Variants in EPB41 observed in about 807,000 individuals in gnomAD.
EPB41 encodes the protein protein 4.1.
EPB41 carries 65 observed loss-of-function variants against 108.0 expected under a neutral mutation model. The observed-to-expected ratio is 0.60, with a 90% CI of 0.49 to 0.74. EPB41 has a LOEUF of 0.74. EPB41 is among the 30% of genes least tolerant of loss of function. The probability of loss-of-function intolerance (pLI) is 0.00; values close to 1 mark genes in which losing one functional copy is unlikely to be tolerated. For synonymous variants in EPB41, 336 were observed against 358.9 expected (o/e 0.94, Z 0.72); for missense variants, 875 against 1,037.0 (o/e 0.84, Z 2.15).
intron 1 of EPB41, among the ~76,000 whole-genome samples, chr1:28,958,286 C>A (rs945009940): frequency 1.3e-5 from 2 of 151,840 alleles, no homozygotes; most frequent in African/African-American, 4.8e-5. Flanking sequence ...CTGTTTGTAT[C>A]AAAAATACAA....
At chr1:28,963,868 G>A (rs1402251134) in intron 1 of EPB41, among the ~76,000 whole-genome samples, 2 of 152,126 alleles carry the variant, frequency 1.3e-5, no homozygotes, top group African/African-American at 2.4e-5. Flanking sequence ...CCATAGACGC[G>A]TCAACTTTTC....
chr1:28,957,740 A>G (rs1471563010), intron 1 of EPB41, among the ~76,000 whole-genome samples: 1 of 152,120 alleles, frequency 6.6e-6, no homozygotes, highest in South Asian at 2.1e-4. Flanking sequence ...ATTGTTTTTA[A>G]GAATTGGTCT....
At chr1:28,896,943 C>A (rs1342054083) in intron 1 of EPB41, among the ~76,000 whole-genome samples, 2 of 152,298 alleles carry the variant, frequency 1.3e-5, no homozygotes, top group African/African-American at 2.4e-5. Context: ...CAATGGGGCC[C>A]ACTGGGGTCT....
At chr1:29,097,614 T>A in intron 16 of EPB41, 193 bp from the exon 17 acceptor site, 1 of 627,756 alleles carries the variant, frequency 1.6e-6, no homozygotes, top group South Asian at 1.9e-5. Context: ...CTTTTTAATA[T>A]CCCTCATGAT....
chr1:29,061,242 T>C (rs942734287), intron 15 of EPB41, among the ~76,000 whole-genome samples: 45 of 152,202 alleles, frequency 3.0e-4, no homozygotes, highest in African/African-American at 1.1e-3. Flanking sequence ...ATATTCAACA[T>C]TGGTCATATA....
intron 1 of EPB41, among the ~76,000 whole-genome samples, chr1:28,931,561 C>T (rs1390738005): frequency 2.7e-5 from 4 of 148,694 alleles, no homozygotes; most frequent in African/African-American, 7.4e-5. Context: ...CAAAGTCTCG[C>T]TCTGTTGCCC....
rs145303729 is a variant in EPB41, at chr1:29,029,851, T to C, written c.1125-549T>C. On this transcript the variant is annotated intron_variant, in intron 7 of 20. Coordinates refer to ENST00000343067, the MANE Select transcript of EPB41 (RefSeq NM_001376013.1). The stretch of plus-strand genomic sequence containing the variant: ...TATCAGTGGGCAGGACACCATCTGT[T>C]ACCAGAAATTTTCTTTTCATCAAGC... Among the ~76,000 whole-genome samples, 8 of 152,346 alleles carry C rather than the reference T, an allele frequency of 5.3e-5. No individual in the cohort carries two copies. In the East Asian group the frequency reaches 1.5e-3, roughly 29 times the overall value.
At chr1:28,952,226 G>A (rs1402902966) in intron 1 of EPB41, among the ~76,000 whole-genome samples, 1 of 147,720 alleles carries the variant, frequency 6.8e-6, no homozygotes, top group African/African-American at 2.5e-5. Context: ...TTTTCTGTCA[G>A]TTATCAAAGT....
In EPB41 at chr1:28,998,230, A is replaced by G. The variant is rs77885648; in HGVS notation, c.786+911A>G. On this transcript the variant is annotated intron_variant, in intron 4 of 20. Coordinates refer to ENST00000343067, the MANE Select transcript of EPB41 (RefSeq NM_001376013.1). ...TGAGAGAGACCTGAAGGATAAAATG[A>G]GCAAGTGAGGTGGAGAGAGAATGGC... Among the ~76,000 whole-genome samples, 1,087 of 152,294 alleles carry G rather than the reference A, an allele frequency of 7.1e-3. 16 individuals carry two copies. Among genetic ancestry groups the G allele is most frequent in the African/African-American group, 0.023 (939 of 41,562 alleles).
intron 11 of EPB41, among the ~76,000 whole-genome samples, chr1:29,045,466 AC>A (rs1047648258): frequency 1.7e-4 from 26 of 150,418 alleles, no homozygotes; most frequent in Admixed American, 1.1e-3. Context: ...TGATCCTCCC[AC>A]CTCAGCCTCA....
intron 16 of EPB41, chr1:29,073,149 T>C (rs1414267977): frequency 1.3e-5 from 2 of 150,126 alleles, no homozygotes; most frequent in African/African-American, 4.9e-5. Flanking sequence ...ATAGTCTTGG[T>C]TTCCTTCCTT....
In EPB41 at chr1:29,115,953, A is replaced by C; in HGVS notation, c.*6+150A>C. On this transcript the variant is annotated intron_variant, in intron 20 of 20. Coordinates refer to ENST00000343067, the MANE Select transcript of EPB41 (RefSeq NM_001376013.1). The surrounding 1 kb of genome is among the most constrained non-coding windows in gnomAD (Gnocchi z 4.4). The stretch of plus-strand genomic sequence containing the variant: ...AAGGCAGACGAGAGGCTGATGTGGG[A>C]GATATAGGAAATTAAGTATTTGGCT... The C allele has an allele frequency of 1.5e-6, 1 of 654,360 alleles. No individual in the cohort carries two copies. Among genetic ancestry groups the C allele is most frequent in the Non-Finnish European group, 2.7e-6 (1 of 366,960 alleles). The allele number at this position is 654,360 out of a possible 1,614,324, so 40.5% of individuals were successfully genotyped here.
intron 11 of EPB41, among the ~76,000 whole-genome samples, chr1:29,046,115 T>G (rs1643124984): frequency 6.6e-6 from 1 of 151,972 alleles, no homozygotes; most frequent in African/African-American, 2.4e-5. Context: ...AAAAAAATTT[T>G]TTTTTAATTT....
chr1:29,000,618 A>G (rs1258237616), intron 4 of EPB41, among the ~76,000 whole-genome samples: 1 of 152,196 alleles, frequency 6.6e-6, no homozygotes, highest in Non-Finnish European at 1.5e-5. Flanking sequence ...CTGATAGTTT[A>G]TAAGAGCCCC....
intron 1 of EPB41, chr1:28,890,883 C>T: frequency 1.0e-6 from 1 of 983,508 alleles, no homozygotes; most frequent in Non-Finnish European, 1.2e-6. Flanking sequence ...ACTGAGGTGC[C>T]CACATTGCTC....
chr1:29,053,091 C>G lies in EPB41; in HGVS notation c.1637-13C>G. 6.2e-7 allele frequency: 1 copy of G among 1,613,382 alleles called. No homozygotes were observed. Among genetic ancestry groups the G allele is most frequent in the Non-Finnish European group, 8.5e-7 (1 of 1,179,966 alleles). ...GCCTTTACTTATGCTTCCCTTTTCC[C>G]TTTCTCACATAGCAGCAGCTGTCGA... On this transcript the variant is annotated splice_polypyrimidine_tract_variant and intron_variant, in intron 11 of 20. Coordinates refer to ENST00000343067, the MANE Select transcript of EPB41 (RefSeq NM_001376013.1).
intron 7 of EPB41, among the ~76,000 whole-genome samples, chr1:29,020,921 G>A (rs553292901): frequency 8.5e-5 from 13 of 152,260 alleles, no homozygotes; most frequent in Middle Eastern, 3.4e-3. Flanking sequence ...AGGACTACAG[G>A]CATGAACCTC....
At chr1:28,941,394 C>A (rs562586965) in intron 1 of EPB41, among the ~76,000 whole-genome samples, 5 of 151,634 alleles carry the variant, frequency 3.3e-5, no homozygotes, top group South Asian at 4.2e-4. Context: ...AATAAAAAAC[C>A]AATAATGGGG....
intron 13 of EPB41, 77 bp from the exon 14 acceptor site, chr1:29,058,734 T>TA: frequency 6.5e-7 from 1 of 1,536,210 alleles, no homozygotes; most frequent in Non-Finnish European, 8.8e-7. Flanking sequence ...AAAAAAATTA[T>TA]AAAATGAAGG....
Sources: gnomAD v4.1 joint callset for allele counts (sites outside exome capture counted in the v4.1 genomes callset) on GRCh38, gnomAD v4.1.1 for gene constraint, Gnocchi (gnomAD v3.1) non-coding constraint, MANE v1.5 for transcripts, NCBI Gene and HGNC (gene_info 2026-07-23, HGNC 2026-07-21) for gene names.